PCDHGB6: variants seen among roughly 807,000 people sequenced by gnomAD.
The protein encoded by PCDHGB6 is protocadherin gamma-B6.
PCDHGB6 carries 51 observed loss-of-function variants against 59.1 expected under a neutral mutation model. That is an observed-to-expected ratio of 0.86 (90% CI 0.69 to 1.09). The LOEUF (loss-of-function observed/expected upper bound fraction) is 1.09, where lower values mean the gene tolerates loss of function less well. Ranked by LOEUF, PCDHGB6 falls within the 50% of genes least tolerant of loss-of-function variation. PCDHGB6 has a pLI of 0.00. For synonymous variants in PCDHGB6, 466 were observed against 495.1 expected, an observed-to-expected ratio of 0.94 and a Z score of 0.78; for missense variants, 1,148 against 1,205.1, an observed-to-expected ratio of 0.95 and a Z score of 0.70.
chr5:141,490,951 T>G lies in PCDHGB6; in HGVS notation c.2419-3856T>G, dbSNP rs778168052. On this transcript the variant is annotated intron_variant, in intron 1 of 3. Transcript: ENST00000520790. The surrounding 1 kb of genome is among the most constrained non-coding windows in gnomAD (Gnocchi z 5.4). ...AGCTGTGCTGCACCCACGGCCAGACTGGGAACACTCAGCCCCCCAGCGTCT... is the reference window on the plus strand; with the variant it reads ...AGCTGTGCTGCACCCACGGCCAGACGGGGAACACTCAGCCCCCCAGCGTCT... The G allele has an allele frequency of 6.2e-7, 1 of 1,613,638 alleles. No individual in the cohort carries two copies. The highest frequency in any genetic ancestry group is 1.3e-5 in the African/African-American group (1 of 74,900).
chr5:141,473,254 T>C (rs1203765731), intron 1 of PCDHGB6, among the ~76,000 whole-genome samples: 5 of 152,152 alleles, frequency 3.3e-5, no homozygotes, highest in African/African-American at 4.8e-5. Context: ...ACATATATAG[T>C]CCTTAGTGTA....
chr5:141,438,065 C>T (rs1385128405), intron 1 of PCDHGB6, among the ~76,000 whole-genome samples: 1 of 151,996 alleles, frequency 6.6e-6, no homozygotes, highest in Non-Finnish European at 1.5e-5. Flanking sequence ...TTTAAGAAAC[C>T]ATACTTAATG....
chr5:141,431,719 A>G lies in PCDHGB6; in HGVS notation c.2418+21099A>G. On this transcript the variant is annotated intron_variant, in intron 1 of 3. Transcript: ENST00000520790. This position sits in a 1 kb window ranked among gnomAD's most constrained non-coding sequence, Gnocchi z 4.8. ...CAGGATTCTACCAGATGGAAGTGCA[A>G]GCAATGGATAATGCAGGATATTCTG... 6.2e-7 allele frequency: 1 copy of G among 1,614,244 alleles called. No individual in the cohort carries two copies. Among genetic ancestry groups the G allele is most frequent in the Non-Finnish European group, 8.5e-7 (1 of 1,180,050 alleles).
chr5:141,433,098 T>G, intron 1 of PCDHGB6: 1 of 1,614,204 alleles, frequency 6.2e-7, no homozygotes, highest in Non-Finnish European at 8.5e-7. Context: ...GACATGCTCG[T>G]CAGCCAGGAG....
At position 141,418,922 on chromosome 5, in the gene PCDHGB6, C is replaced by G. The variant is rs180948941; in HGVS notation, c.2418+8302C>G. The G allele has an allele frequency of 3.7e-6, 6 of 1,613,994 alleles. 1 individual carries two copies. In the Admixed American group the frequency reaches 6.7e-5, roughly 18 times the overall value. On this transcript the variant is annotated intron_variant, in intron 1 of 3. Coordinates refer to ENST00000520790, the MANE Select transcript of PCDHGB6 (RefSeq NM_018926.3). ...AATAATCATCACGTCACTCTCTGAT[C>G]AGATTATGGAGGATTCCCCTCCAGG...
At chr5:141,428,275 G>C in intron 1 of PCDHGB6, 1 of 767,218 alleles carries the variant, frequency 1.3e-6, no homozygotes, top group Non-Finnish European at 2.2e-6. Context: ...TGTGCCCTCT[G>C]ATTCCCAAGC....
rs111842066 is a variant in PCDHGB6, at chr5:141,486,269, G to A, written c.2419-8538G>A. 6.2e-7 allele frequency: 1 copy of A among 1,613,996 alleles called. No homozygotes were observed. Reference sequence around the variant, plus strand: ...AACCCTCCCCGAGAGTGCAGAACCTGGCACTGTGGTGGCACTTATCAGTGT... The same window carrying A: ...AACCCTCCCCGAGAGTGCAGAACCTAGCACTGTGGTGGCACTTATCAGTGT... On this transcript the variant is annotated intron_variant, in intron 1 of 3. Transcript: ENST00000520790. This position sits in a 1 kb window ranked among gnomAD's most constrained non-coding sequence, Gnocchi z 5.0.
chr5:141,504,287 T>C (rs1191226511), intron 2 of PCDHGB6, among the ~76,000 whole-genome samples: 2 of 152,166 alleles, frequency 1.3e-5, no homozygotes, highest in Non-Finnish European at 2.9e-5. Flanking sequence ...AATCATTTCA[T>C]GTTTTTTCAA....
intron 1 of PCDHGB6, among the ~76,000 whole-genome samples, chr5:141,472,967 C>G (rs1040253926): frequency 1.7e-5 from 1 of 58,336 alleles, no homozygotes; most frequent in South Asian, 5.1e-4. Flanking sequence ...GCCTGGGGAA[C>G]AAGAGTGAAA....
intron 1 of PCDHGB6, among the ~76,000 whole-genome samples, chr5:141,444,473 G>A (rs943971075): frequency 2.6e-5 from 4 of 151,972 alleles, no homozygotes; most frequent in Admixed American, 6.6e-5. Flanking sequence ...GCCCGGTCGC[G>A]TACTGGATTT....
chr5:141,470,986 G>T (rs1215610104), intron 1 of PCDHGB6, among the ~76,000 whole-genome samples: 1 of 151,540 alleles, frequency 6.6e-6, no homozygotes, highest in Non-Finnish European at 1.5e-5. Flanking sequence ...CAAAGTGCTG[G>T]GACTACAGGC....
chr5:141,460,909 G>GGTGT (rs548378036), intron 1 of PCDHGB6, among the ~76,000 whole-genome samples: 1 of 123,246 alleles, frequency 8.1e-6, no homozygotes, highest in African/African-American at 3.7e-5. Flanking sequence ...AATATTCCAT[G>GGTGT]GTGTATATAT....
At chr5:141,430,379 T>C (rs1174248880) in intron 1 of PCDHGB6, among the ~76,000 whole-genome samples, 1 of 149,570 alleles carries the variant, frequency 6.7e-6, no homozygotes, top group Non-Finnish European at 1.5e-5. Flanking sequence ...AAAAAGCTCA[T>C]TGGGAAAAAA....
intron 1 of PCDHGB6, among the ~76,000 whole-genome samples, chr5:141,473,195 C>T (rs1053769499): frequency 6.6e-6 from 1 of 152,104 alleles, no homozygotes; most frequent in African/African-American, 2.4e-5. Flanking sequence ...GTAAATGTAT[C>T]TTCTAAAAAA....
chr5:141,474,242 G>A (rs575397598), intron 1 of PCDHGB6, among the ~76,000 whole-genome samples: 1 of 152,192 alleles, frequency 6.6e-6, no homozygotes, highest in African/African-American at 2.4e-5. Context: ...GCTGAATAGG[G>A]GAAAAAAAGA....
intron 1 of PCDHGB6, chr5:141,419,582 T>A (rs1474193256): frequency 6.2e-7 from 1 of 1,611,894 alleles, no homozygotes. Context: ...CTCCGCGCTC[T>A]TCGACACAGT....
intron 1 of PCDHGB6, among the ~76,000 whole-genome samples, chr5:141,444,014 T>C (rs2098414038): frequency 6.6e-6 from 1 of 152,122 alleles, no homozygotes; most frequent in Admixed American, 6.6e-5. Flanking sequence ...GGGTATTGGC[T>C]TCTAAAAGGA....
chr5:141,459,827 A>T (rs779024675), intron 1 of PCDHGB6, among the ~76,000 whole-genome samples: 1 of 152,126 alleles, frequency 6.6e-6, no homozygotes, highest in Non-Finnish European at 1.5e-5. Context: ...GCAACTTTTC[A>T]TGTGTTGTCT....
At position 141,431,035 on chromosome 5, in the gene PCDHGB6, G is replaced by C; in HGVS notation, c.2418+20415G>C. The C allele has an allele frequency of 6.2e-7, 1 of 1,614,186 alleles. No individual in the cohort carries two copies. Among genetic ancestry groups the C allele is most frequent in the South Asian group, 1.1e-5 (1 of 91,086 alleles). ...TGGTCACGGCGGGCAGGATAGACCG[G>C]GAGGAGCTCTGTATGGGGGCCATCA... On this transcript the variant is annotated intron_variant, in intron 1 of 3. Transcript: ENST00000520790. The surrounding 1 kb of genome is among the most constrained non-coding windows in gnomAD (Gnocchi z 4.8).
Sources: allele counts gnomAD v4.1 joint callset (sites outside exome capture counted in the v4.1 genomes callset), GRCh38; gene constraint gnomAD v4.1.1; non-coding constraint Gnocchi (gnomAD v3.1); transcripts MANE v1.5; gene names NCBI Gene and HGNC (gene_info 2026-07-23, HGNC 2026-07-21).